SEPTIN11: variants seen among roughly 807,000 people sequenced by gnomAD.
The protein encoded by SEPTIN11 is septin 11.
Under a neutral mutation model 51.4 loss-of-function variants are expected in SEPTIN11, and 25 were observed. That is an observed-to-expected ratio of 0.49 (90% CI 0.35 to 0.68). SEPTIN11 has a LOEUF of 0.68. Among genes scored for constraint, SEPTIN11 ranks in the 30% least tolerant of loss-of-function variants. The pLI is 0.00. For missense variants in SEPTIN11, 381 were observed against 520.8 expected, an observed-to-expected ratio of 0.73 and a Z score of 2.61; for synonymous variants, 174 against 184.1, an observed-to-expected ratio of 0.95 and a Z score of 0.44.
At chr4:76,956,993 T>TGTGTGTGTGTGAGAGA (rs769320568) in intron 1 of SEPTIN11, among the ~76,000 whole-genome samples, 1 of 98,582 alleles carries the variant, frequency 1.0e-5, no homozygotes, top group African/African-American at 3.3e-5. Flanking sequence ...TGTGTGTGTG[T>TGTGTGTGTGTGAGAGA]GAGAGAGAGA....
chr4:77,000,566 T>C (rs1409214426), intron 2 of SEPTIN11, among the ~76,000 whole-genome samples: 1 of 152,212 alleles, frequency 6.6e-6, no homozygotes, highest in African/African-American at 2.4e-5. Context: ...AGATATTTAG[T>C]GAGCATGTGT....
At chr4:77,038,719 C>T, downstream of SEPTIN11, 1 of 921,052 alleles carries the variant, frequency 1.1e-6, no homozygotes, top group Non-Finnish European at 1.3e-6. Flanking sequence ...TCATGCTTTC[C>T]TGCCTCGTGT....
intron 2 of SEPTIN11, among the ~76,000 whole-genome samples, chr4:76,997,704 C>T (rs529392589): frequency 5.7e-4 from 87 of 152,294 alleles, no homozygotes; most frequent in Middle Eastern, 3.4e-3. Context: ...GGAGACCTCC[C>T]GAATGGCAGC....
Position 77,036,223 on chromosome 4 carries a change from G to A in SEPTIN11, c.*1711G>A. Reference sequence around the variant, plus strand: ...AAACTACACACTAGACACAGCAGTAGTCATAGTCTTCACAGGTTTAGGAGC... The same window carrying A: ...AAACTACACACTAGACACAGCAGTAATCATAGTCTTCACAGGTTTAGGAGC... On this transcript the variant is annotated 3_prime_UTR_variant, in exon 10 of 10. Coordinates refer to ENST00000264893, the MANE Select transcript of SEPTIN11 (RefSeq NM_018243.4). 1.0e-6 allele frequency: 1 copy of A among 1,003,216 alleles called. No homozygotes were observed. Among genetic ancestry groups the A allele is most frequent in the South Asian group, 4.2e-5 (1 of 23,736 alleles). 62.1% of individuals were successfully genotyped at this position (1,003,216 alleles called of 1,614,324 possible).
At chr4:77,000,206 C>T (rs1560721234) in intron 2 of SEPTIN11, among the ~76,000 whole-genome samples, 1 of 152,184 alleles carries the variant, frequency 6.6e-6, no homozygotes, top group Non-Finnish European at 1.5e-5. Flanking sequence ...GTCCACAATT[C>T]AACCTTAATT....
intron 1 of SEPTIN11, among the ~76,000 whole-genome samples, chr4:76,964,943 C>G (rs1497072): frequency 0.64 from 97,887 of 151,956 alleles, 31,689 homozygotes; most frequent in African/African-American, 0.69. Flanking sequence ...GAGCTCATAT[C>G]AAGTGGCCCA....
chr4:76,958,814 T>C (rs1038135589), intron 1 of SEPTIN11: 1 of 1,256,094 alleles, frequency 8.0e-7, no homozygotes, highest in African/African-American at 1.5e-5. Context: ...AAAAAATAAG[T>C]TTTAAATAGT....
rs532890182 is a variant in SEPTIN11 at position 77,037,128 on chromosome 4, G to A, written c.*2616G>A. ...TGTAATCCCAGCACTTTGAGAGGCC[G>A]AGGTGGGCAGATCACTTGAGGCCTG... On this transcript the variant is annotated 3_prime_UTR_variant, in exon 10 of 10. Coordinates refer to ENST00000264893, the MANE Select transcript of SEPTIN11 (RefSeq NM_018243.4). 215 of 927,976 alleles carry A rather than the reference G, an allele frequency of 2.3e-4. No individual in the cohort carries two copies. Among genetic ancestry groups the A allele is most frequent in the Admixed American group, 3.3e-4 (6 of 18,236 alleles). 57.5% of individuals were successfully genotyped at this position (927,976 alleles called of 1,614,324 possible).
chr4:76,950,600 C>G (rs576540563), intron 1 of SEPTIN11, among the ~76,000 whole-genome samples: 1 of 151,594 alleles, frequency 6.6e-6, no homozygotes, highest in East Asian at 2.0e-4. Flanking sequence ...GAGGCTGGGA[C>G]GCGAGGAAGA....
At chr4:77,030,060 CA>C (rs1726499751) in intron 8 of SEPTIN11, among the ~76,000 whole-genome samples, 1 of 149,638 alleles carries the variant, frequency 6.7e-6, no homozygotes, top group African/African-American at 2.5e-5. Flanking sequence ...AGTTCGAGAC[CA>C]GCCTGGGCAA....
chr4:76,997,202 G>A (rs1723787989), intron 2 of SEPTIN11, among the ~76,000 whole-genome samples: 1 of 152,182 alleles, frequency 6.6e-6, no homozygotes, highest in African/African-American at 2.4e-5. Context: ...ATGAATGGCA[G>A]GTGAAACAGC....
Position 76,996,556 on chromosome 4 carries a change from C to A in SEPTIN11, c.142+17C>A, listed in dbSNP as rs755839404. ...TTTGTGTTGGTAAGTTATTCATCAC[C>A]CCACAGCAAGAAATTTGATCCTTAG... On this transcript the variant is annotated intron_variant, in intron 2 of 9. Transcript: ENST00000264893. 2 of 1,546,410 alleles carry A rather than the reference C, an allele frequency of 1.3e-6. No homozygotes were observed. The highest frequency in any genetic ancestry group is 1.7e-5 in the Admixed American group (1 of 59,824).
In SEPTIN11 at chr4:77,036,787, C is replaced by A; in HGVS notation, c.*2275C>A. The A allele has an allele frequency of 6.5e-7, 1 of 1,533,814 alleles. No individual in the cohort carries two copies. Among genetic ancestry groups the A allele is most frequent in the Non-Finnish European group, 8.7e-7 (1 of 1,146,344 alleles). On this transcript the variant is annotated 3_prime_UTR_variant, in exon 10 of 10. Coordinates refer to ENST00000264893, the MANE Select transcript of SEPTIN11 (RefSeq NM_018243.4). ...TTTCACAGTAGTCCTTGGCTCTGCA[C>A]GGAATAAATGATACCCTCAAATCTA...
rs1725967503 is a variant in SEPTIN11 at position 77,024,558 on chromosome 4, G to T, written c.953+3888G>T. On this transcript the variant is annotated intron_variant, in intron 7 of 9. Coordinates refer to ENST00000264893, the MANE Select transcript of SEPTIN11 (RefSeq NM_018243.4). This position sits in a 1 kb window ranked among gnomAD's most constrained non-coding sequence, Gnocchi z 4.2. Reference sequence around the variant, plus strand: ...CACAGCGCTTTTCCTAACAGTACCTGCCCAAGCTGCTCCCATCTCACCTCA... The same window carrying T: ...CACAGCGCTTTTCCTAACAGTACCTTCCCAAGCTGCTCCCATCTCACCTCA... 6.6e-6 allele frequency among the ~76,000 whole-genome samples: 1 copy of T among 152,098 alleles called. No homozygotes were observed. Among genetic ancestry groups the T allele is most frequent in the Non-Finnish European group, 1.5e-5 (1 of 68,016 alleles).
chr4:76,950,015 C>A, intron 1 of SEPTIN11, 85 bp downstream of exon 1: 3 of 1,271,302 alleles, frequency 2.4e-6, no homozygotes, highest in Non-Finnish European at 3.0e-6. Context: ...CACAGGGGAG[C>A]CGGGCGGGTG....
chr4:76,950,856 T>C (rs2109871383), intron 1 of SEPTIN11, among the ~76,000 whole-genome samples: 1 of 152,312 alleles, frequency 6.6e-6, no homozygotes, highest in Middle Eastern at 3.4e-3. Context: ...TCCTTTTTTT[T>C]GAAAGGAGCG....
chr4:77,018,216 C>T (rs956366446), intron 5 of SEPTIN11, among the ~76,000 whole-genome samples: 1 of 151,774 alleles, frequency 6.6e-6, no homozygotes, highest in Non-Finnish European at 1.5e-5. Context: ...TTTCGGAGGC[C>T]AAGGCGGGCG....
rs907639612 is a variant in SEPTIN11, at chr4:77,037,638, C to A, written c.*3126C>A. 8 of 985,608 alleles carry A rather than the reference C, an allele frequency of 8.1e-6. No homozygotes were observed. Among genetic ancestry groups the A allele is most frequent in the Non-Finnish European group, 9.6e-6 (8 of 829,950 alleles). The allele number at this position is 985,608 out of a possible 1,614,324, so 61.1% of individuals were successfully genotyped here. On this transcript the variant is annotated 3_prime_UTR_variant, in exon 10 of 10. Coordinates refer to ENST00000264893, the MANE Select transcript of SEPTIN11 (RefSeq NM_018243.4). ...TTGAGGGGCCTACATAACTAGCTGG[C>A]CTTACCCCATATCTTTTGTTCAAAC...
Position 77,024,193 on chromosome 4 carries a change from C to T in SEPTIN11, c.953+3523C>T, listed in dbSNP as rs1725938570. Among the ~76,000 whole-genome samples, 1 of 152,186 alleles carries T rather than the reference C, an allele frequency of 6.6e-6. No homozygotes were observed. The highest frequency in any genetic ancestry group is 6.5e-5 in the Admixed American group (1 of 15,280). On this transcript the variant is annotated intron_variant, in intron 7 of 9. Transcript: ENST00000264893. This position sits in a 1 kb window ranked among gnomAD's most constrained non-coding sequence, Gnocchi z 4.2. ...ACGCCGTATTCAAGCCTTGGCAGCA[C>T]ACCACGGCAGTAAAGCTAGCGGAGC...
Sources: gnomAD v4.1 joint callset for allele counts (sites outside exome capture counted in the v4.1 genomes callset) on GRCh38, gnomAD v4.1.1 for gene constraint, Gnocchi (gnomAD v3.1) non-coding constraint, MANE v1.5 for transcripts, NCBI Gene and HGNC (gene_info 2026-07-23, HGNC 2026-07-21) for gene names.